Variants in KPNA7 observed in about 807,000 individuals in gnomAD.
The protein encoded by KPNA7 is importin subunit alpha-8.
In KPNA7, 54 loss-of-function variants were observed where a neutral mutation model predicts 53.7. That is an observed-to-expected ratio of 1.01 (90% confidence interval 0.81 to 1.26). The LOEUF (loss-of-function observed/expected upper bound fraction) is 1.26, where lower values mean the gene tolerates loss of function less well. Ranked by LOEUF, KPNA7 falls within the 50% of genes most tolerant of loss-of-function variation. KPNA7 has a pLI of 0.00. For synonymous variants in KPNA7, 276 were observed against 259.3 expected (o/e 1.06, Z -0.62); for missense variants, 640 against 644.5 (o/e 0.99, Z 0.07).
the KPNA7 span, among the ~76,000 whole-genome samples, chr7:99,160,059 C>G: frequency 7.7e-6 from 1 of 129,676 alleles, no homozygotes; most frequent in South Asian, 2.7e-4. Flanking sequence ...GTGTCTCGCT[C>G]TGTTGCCCAG....
chr7:99,170,866 T>A (rs1798758800), downstream of KPNA7, among the ~76,000 whole-genome samples: 1 of 152,164 alleles, frequency 6.6e-6, no homozygotes. Context: ...TAATGATCGA[T>A]GCTTGCAACA....
rs754881370 is a variant in KPNA7 at position 99,207,613 on chromosome 7, C to CTTT, written c.-23-127_-23-125dup. On this transcript the variant is annotated intron_variant, in intron 1 of 10. Transcript: ENST00000327442. The stretch of plus-strand genomic sequence containing the variant: ...GCAAAGGGCAGACCCAGGAAGCTAG[C>CTTT]TTTTTTTTTTTTTTTTTTTTTTTTT... 15 of 123,048 alleles carry CTTT rather than the reference C, an allele frequency of 1.2e-4. 2 individuals are homozygous for CTTT. Among genetic ancestry groups the CTTT allele is most frequent in the Admixed American group, 6.3e-4 (5 of 7,934 alleles). The allele number at this position is 123,048 out of a possible 1,614,324, so 7.6% of individuals were successfully genotyped here.
At chr7:99,151,739 G>A in the KPNA7 span, among the ~76,000 whole-genome samples, 1 of 152,008 alleles carries the variant, frequency 6.6e-6, no homozygotes, top group Non-Finnish European at 1.5e-5. Context: ...TTATAGGTGT[G>A]AGCCACTGCA....
chr7:99,176,024 G>A (rs1219550216), intron 10 of KPNA7, among the ~76,000 whole-genome samples: 2 of 152,222 alleles, frequency 1.3e-5, no homozygotes, highest in Admixed American at 6.5e-5. Context: ...TCTGCTGGGC[G>A]TGGTGGCTCA....
At chr7:99,195,561 G>C (rs1020822018) in intron 4 of KPNA7, among the ~76,000 whole-genome samples, 1 of 152,100 alleles carries the variant, frequency 6.6e-6, no homozygotes, top group Non-Finnish European at 1.5e-5. Context: ...AATTAGCTGG[G>C]TGTGGTGGTG....
At chr7:99,175,090 G>A (rs557197560) in intron 10 of KPNA7, among the ~76,000 whole-genome samples, 2 of 152,104 alleles carry the variant, frequency 1.3e-5, no homozygotes, top group Non-Finnish European at 2.9e-5. Context: ...TGGGATTACA[G>A]GTGTGAGCCA....
chr7:99,171,444 G>A (rs1330761075), downstream of KPNA7, among the ~76,000 whole-genome samples: 3 of 151,270 alleles, frequency 2.0e-5, no homozygotes, highest in African/African-American at 7.3e-5. Context: ...ACCTCCTCAT[G>A]CGATCGTTTG....
downstream of KPNA7, among the ~76,000 whole-genome samples, chr7:99,172,509 G>A (rs1798787633): frequency 6.6e-6 from 1 of 152,138 alleles, no homozygotes; most frequent in African/African-American, 2.4e-5. Flanking sequence ...GAGGCCAGGA[G>A]TTCAAGACTA....
chr7:99,161,997 C>G, the KPNA7 span, among the ~76,000 whole-genome samples: 1 of 151,012 alleles, frequency 6.6e-6, no homozygotes, highest in Non-Finnish European at 1.5e-5. Flanking sequence ...GAAAAAACAG[C>G]AGATAAGTTA....
the KPNA7 span, among the ~76,000 whole-genome samples, chr7:99,159,022 G>A: frequency 3.3e-5 from 5 of 151,890 alleles, no homozygotes; most frequent in Admixed American, 6.6e-5. Context: ...ACACCACGAC[G>A]CCCGGCTAAC....
intron 2 of KPNA7, among the ~76,000 whole-genome samples, chr7:99,204,623 C>G (rs1384162886): frequency 6.6e-6 from 1 of 152,184 alleles, no homozygotes; most frequent in Non-Finnish European, 1.5e-5. Flanking sequence ...CACCTGCAAT[C>G]TCAGCACTTT....
chr7:99,171,557 T>G (rs1798772027), downstream of KPNA7, among the ~76,000 whole-genome samples: 1 of 152,010 alleles, frequency 6.6e-6, no homozygotes, highest in Non-Finnish European at 1.5e-5. Flanking sequence ...TCCTCTCGCC[T>G]TGGCTTCCCA....
At chr7:99,196,630 A>G (rs1160953507) in intron 3 of KPNA7, among the ~76,000 whole-genome samples, 1 of 152,126 alleles carries the variant, frequency 6.6e-6, no homozygotes, top group Non-Finnish European at 1.5e-5. Flanking sequence ...GTAGCATGAG[A>G]GCTTTGTGGC....
rs1378187619 is a variant in KPNA7 at position 99,188,555 on chromosome 7, A to G, written c.645T>C (p.Phe215=). The change falls in exon 7 of 11, where the codon TTT becomes TTC. Residue 215 remains phenylalanine, a synonymous_variant. Transcript: ENST00000327442. ...ALISPTLPIT[F]LRNITWTLSN... ...ACAAGGTCCACGTGATGTTCCGCAGAAATGTGATCTGTAACAAGGAGACTG... is the reference window on the plus strand; with the variant it reads ...ACAAGGTCCACGTGATGTTCCGCAGGAATGTGATCTGTAACAAGGAGACTG... The G allele has an allele frequency of 6.4e-7, 1 of 1,551,260 alleles. No homozygotes were observed. The highest frequency in any genetic ancestry group is 1.2e-5 in the South Asian group (1 of 84,056).
At chr7:99,174,456 C>A (rs1236391489) in intron 10 of KPNA7, among the ~76,000 whole-genome samples, 3 of 152,184 alleles carry the variant, frequency 2.0e-5, no homozygotes, top group East Asian at 3.9e-4. Flanking sequence ...CCTCACCCCC[C>A]AGCCTGTGGA....
intron 1 of KPNA7, among the ~76,000 whole-genome samples, chr7:99,215,061 C>A (rs1791180261): frequency 6.6e-6 from 1 of 152,004 alleles, no homozygotes; most frequent in Non-Finnish European, 1.5e-5. Context: ...GCTCATCCTT[C>A]TGCCACAACC....
chr7:99,162,718 G>A, the KPNA7 span, among the ~76,000 whole-genome samples: 147 of 152,262 alleles, frequency 9.7e-4, 5 homozygotes, highest in Admixed American at 9.6e-3. Flanking sequence ...CAGTGACTAA[G>A]CTCAACAGGG....
intron 8 of KPNA7, among the ~76,000 whole-genome samples, chr7:99,184,165 T>TC (rs935824088): frequency 1.3e-5 from 2 of 150,638 alleles, no homozygotes; most frequent in Non-Finnish European, 3.0e-5. Flanking sequence ...TTTTTTTTTT[T>TC]TTTTTTTGAG....
intron 6 of KPNA7, among the ~76,000 whole-genome samples, chr7:99,190,367 A>G (rs1789879141): frequency 1.3e-5 from 2 of 151,796 alleles, no homozygotes; most frequent in South Asian, 4.2e-4. Flanking sequence ...AAAAAGCAGA[A>G]AAAAAAGAAA....
Sources: allele counts gnomAD v4.1 joint callset (sites outside exome capture counted in the v4.1 genomes callset), GRCh38; gene constraint gnomAD v4.1.1; transcripts MANE v1.5; gene names NCBI Gene and HGNC (gene_info 2026-07-23, HGNC 2026-07-21).